The following GLI3 variants were observed in gnomAD, a reference collection of about 807,000 sequenced individuals.
GLI3 encodes GLI family zinc finger 3, also known as transcription activator GLI3.
A neutral mutation model predicts 100.8 loss-of-function variants in GLI3; 20 were observed. That is an observed-to-expected ratio of 0.20 (90% CI 0.14 to 0.29). GLI3 has a LOEUF of 0.29. GLI3 is among the 10% of genes least tolerant of loss of function. GLI3 has a pLI of 1.00. For synonymous variants in GLI3, 938 were observed against 860.5 expected, an observed-to-expected ratio of 1.09 and a Z score of -1.58; for missense variants, 2,040 against 2,128.5, an observed-to-expected ratio of 0.96 and a Z score of 0.82.
intron 8 of GLI3, 35 bp downstream of exon 8, chr7:42,026,164 C>T (rs776007197): frequency 1.2e-5 from 18 of 1,514,182 alleles, no homozygotes; most frequent in Admixed American, 1.8e-5. Flanking sequence ...CTCGGCTGAC[C>T]AGCACGGCCG....
At chr7:42,096,376 G>A (rs1785338562) in intron 3 of GLI3, among the ~76,000 whole-genome samples, 1 of 152,280 alleles carries the variant, frequency 6.6e-6, no homozygotes, top group East Asian at 1.9e-4. Flanking sequence ...GTACAGGAAC[G>A]GGCTGGCTTT....
At chr7:41,980,365 A>G (rs1011247088) in intron 10 of GLI3, among the ~76,000 whole-genome samples, 27 of 152,218 alleles carry the variant, frequency 1.8e-4, no homozygotes, top group African/African-American at 5.5e-4. Flanking sequence ...GTCTGCTTCT[A>G]GTAAGTCTTT....
rs750237528 is a variant in GLI3 at position 41,966,690 on chromosome 7, G to A, written c.2432-49C>T. The A allele has an allele frequency of 6.3e-7, 1 of 1,596,092 alleles. No individual in the cohort carries two copies. Among genetic ancestry groups the A allele is most frequent in the South Asian group, 1.1e-5 (1 of 90,534 alleles). ...CCATGCGGAGATGAATTCCCTTCGA[G>A]CATGACTTACACCAGGCATGAGCAA... On this transcript the variant is annotated intron_variant, in intron 14 of 14. Coordinates refer to ENST00000395925, the MANE Select transcript of GLI3 (RefSeq NM_000168.6). This position sits in a 1 kb window ranked among gnomAD's most constrained non-coding sequence, Gnocchi z 5.8.
intron 2 of GLI3, among the ~76,000 whole-genome samples, chr7:42,219,865 T>C (rs563478115): frequency 1.3e-5 from 2 of 151,536 alleles, no homozygotes; most frequent in Admixed American, 1.3e-4. Flanking sequence ...TTTTTTTTTT[T>C]TTTTTTGAGA....
chr7:42,107,000 A>G (rs1463014115), intron 3 of GLI3, among the ~76,000 whole-genome samples: 2 of 152,120 alleles, frequency 1.3e-5, no homozygotes, highest in Admixed American at 1.3e-4. Context: ...AAGACTGTGA[A>G]GATTTCCAAA....
At chr7:41,969,768 G>A (rs1004780637) in intron 13 of GLI3, among the ~76,000 whole-genome samples, 1 of 152,210 alleles carries the variant, frequency 6.6e-6, no homozygotes, top group Non-Finnish European at 1.5e-5. Context: ...TTGCTTCAAT[G>A]AGCGTCCACA....
At chr7:42,186,629 G>T (rs981612714) in intron 2 of GLI3, among the ~76,000 whole-genome samples, 1 of 152,146 alleles carries the variant, frequency 6.6e-6, no homozygotes, top group African/African-American at 2.4e-5. Context: ...AAAATTCAGG[G>T]TCTTTCAGGC....
chr7:41,966,718 C>A lies in GLI3; in HGVS notation c.2432-77G>T. The stretch of plus-strand genomic sequence containing the variant: ...TGACTTACACCAGGCATGAGCAACC[C>A]TTTTCTGTAAAGGGCCAGCTAGGAA... On this transcript the variant is annotated intron_variant, in intron 14 of 14. Coordinates refer to ENST00000395925, the MANE Select transcript of GLI3 (RefSeq NM_000168.6). The surrounding 1 kb of genome is among the most constrained non-coding windows in gnomAD (Gnocchi z 5.8). 1 of 1,482,694 alleles carries A rather than the reference C, an allele frequency of 6.7e-7. No individual in the cohort carries two copies. The highest frequency in any genetic ancestry group is 1.1e-5 in the South Asian group (1 of 87,988). 91.8% of individuals were successfully genotyped at this position (1,482,694 alleles called of 1,614,324 possible).
intron 6 of GLI3, among the ~76,000 whole-genome samples, chr7:42,042,705 G>T (rs1032606094): frequency 3.3e-5 from 5 of 152,122 alleles, no homozygotes; most frequent in Admixed American, 2.6e-4. Flanking sequence ...GAGGGTGAGG[G>T]GCCTCTCAAG....
At chr7:42,116,153 A>T (rs988420085) in intron 3 of GLI3, among the ~76,000 whole-genome samples, 1 of 152,180 alleles carries the variant, frequency 6.6e-6, no homozygotes, top group African/African-American at 2.4e-5. Context: ...GGTCCCAAAC[A>T]TGTCACATGT....
chr7:42,113,572 T>A, intron 3 of GLI3: 1 of 1,091,816 alleles, frequency 9.2e-7, no homozygotes, highest in Non-Finnish European at 1.4e-6. Flanking sequence ...AAAATGGAGT[T>A]GCCAAAAAAG....
intron 2 of GLI3, among the ~76,000 whole-genome samples, chr7:42,171,653 G>A (rs1380136584): frequency 6.6e-6 from 1 of 152,194 alleles, no homozygotes; most frequent in African/African-American, 2.4e-5. Flanking sequence ...GTAATCGAAG[G>A]CCCTGGGACT....
At chr7:42,217,308 T>TGGTC (rs1788397742) in intron 2 of GLI3, among the ~76,000 whole-genome samples, 1 of 152,150 alleles carries the variant, frequency 6.6e-6, no homozygotes, top group Non-Finnish European at 1.5e-5. Flanking sequence ...AAAGGTGATA[T>TGGTC]ACTTAGCCAA....
At chr7:42,008,076 T>C (rs537003846) in intron 10 of GLI3, among the ~76,000 whole-genome samples, 9 of 152,268 alleles carry the variant, frequency 5.9e-5, no homozygotes, top group African/African-American at 1.7e-4. Context: ...TATAAAGAAT[T>C]TCACTCAGGT....
chr7:42,253,726 G>A (rs1201085223), intron 1 of GLI3, among the ~76,000 whole-genome samples: 1 of 152,106 alleles, frequency 6.6e-6, no homozygotes, highest in Non-Finnish European at 1.5e-5. Flanking sequence ...TACATTAGTT[G>A]ACTTTACACA....
intron 1 of GLI3, among the ~76,000 whole-genome samples, chr7:42,234,192 T>C (rs998577429): frequency 6.6e-6 from 1 of 151,878 alleles, no homozygotes; most frequent in East Asian, 1.9e-4. Flanking sequence ...TGGTTTTTCT[T>C]AGTACATTAC....
intron 2 of GLI3, among the ~76,000 whole-genome samples, chr7:42,219,339 C>A (rs1015473555): frequency 6.6e-6 from 1 of 152,068 alleles, no homozygotes; most frequent in African/African-American, 2.4e-5. Flanking sequence ...ACTACGGGTA[C>A]ACTGTACTTC....
chr7:42,237,976 TCCGCCGCCGCCG>T (rs1206993639), upstream of GLI3: 2,502 of 146,046 alleles, frequency 0.017, 87 homozygotes, highest in African/African-American at 0.067. Context: ...CTCCCCGCCC[TCCGCCGCCGCCG>T]CCGCCGCCGC....
rs542511016 is a variant in GLI3 at position 42,021,322 on chromosome 7, A to G, written c.1497+2146T>C. On this transcript the variant is annotated intron_variant, in intron 10 of 14. Coordinates refer to ENST00000395925, the MANE Select transcript of GLI3 (RefSeq NM_000168.6). ...TCCTGACATGAATTTCTTCTGGTTA[A>G]TCTGAAATTAAAATAGTCCACTGTA... Among the ~76,000 whole-genome samples, 6 of 152,310 alleles carry G rather than the reference A, an allele frequency of 3.9e-5. No individual in the cohort carries two copies. In the South Asian group the frequency reaches 1.2e-3, roughly 32 times the overall value.
Sources: allele counts gnomAD v4.1 joint callset (sites outside exome capture counted in the v4.1 genomes callset), GRCh38; gene constraint gnomAD v4.1.1; non-coding constraint Gnocchi (gnomAD v3.1); transcripts MANE v1.5; gene names NCBI Gene and HGNC (gene_info 2026-07-23, HGNC 2026-07-21).